EPB41L2: variants seen among roughly 807,000 people sequenced by gnomAD.
EPB41L2 encodes band 4.1-like protein 2.
In EPB41L2, 43 loss-of-function variants were observed where a neutral mutation model predicts 113.0. The ratio of observed to expected loss-of-function variants is 0.38; its 90% confidence interval spans 0.30 to 0.49. EPB41L2 has a LOEUF of 0.49. Ranked by LOEUF, EPB41L2 falls within the 20% of genes least tolerant of loss-of-function variation. The pLI is 0.95. For synonymous variants in EPB41L2, 442 were observed against 436.7 expected (o/e 1.01, Z -0.15); for missense variants, 1,147 against 1,223.4 (o/e 0.94, Z 0.93).
intron 3 of EPB41L2, among the ~76,000 whole-genome samples, chr6:130,936,527 A>T (rs375033388): frequency 9.9e-5 from 15 of 152,218 alleles, no homozygotes; most frequent in African/African-American, 3.6e-4. Context: ...TTTAAATTAC[A>T]AAGACATTGC....
chr6:130,941,988 T>C (rs1483688721), intron 3 of EPB41L2, among the ~76,000 whole-genome samples: 1 of 152,266 alleles, frequency 6.6e-6, no homozygotes, highest in Non-Finnish European at 1.5e-5. Context: ...AGATCATTTA[T>C]GTCAGTGCTT....
intron 1 of EPB41L2, among the ~76,000 whole-genome samples, chr6:130,988,996 G>A (rs559958821): frequency 1.2e-4 from 18 of 152,266 alleles, no homozygotes; most frequent in African/African-American, 4.1e-4. Context: ...GGCTGAGGTG[G>A]GAGAATTGCT....
At chr6:130,857,601 C>T (rs1290807607) in intron 19 of EPB41L2, among the ~76,000 whole-genome samples, 1 of 125,274 alleles carries the variant, frequency 8.0e-6, no homozygotes, top group Non-Finnish European at 1.6e-5. Flanking sequence ...TTCTGTTGCC[C>T]AGGATAGAGT....
intron 3 of EPB41L2, among the ~76,000 whole-genome samples, chr6:130,953,664 T>TAA (rs60036274): frequency 2.0e-3 from 293 of 148,036 alleles, no homozygotes; most frequent in African/African-American, 6.3e-3. Flanking sequence ...CTTAAAGTAT[T>TAA]AAAAAAAAAA....
chr6:130,961,905 G>A (rs1362946781), intron 1 of EPB41L2, among the ~76,000 whole-genome samples: 7 of 152,116 alleles, frequency 4.6e-5, no homozygotes, highest in Admixed American at 4.6e-4. Context: ...TTTGAGCTTT[G>A]AGAAAACAAC....
At chr6:130,977,165 C>A (rs1778374728) in intron 1 of EPB41L2, among the ~76,000 whole-genome samples, 1 of 152,182 alleles carries the variant, frequency 6.6e-6, no homozygotes, top group South Asian at 2.1e-4. Context: ...AAGCACCTAC[C>A]ACAAAGTCCA....
intron 1 of EPB41L2, among the ~76,000 whole-genome samples, chr6:131,018,773 C>T (rs1788805120): frequency 1.3e-5 from 2 of 151,736 alleles, no homozygotes; most frequent in Non-Finnish European, 2.9e-5. Context: ...GGATGTTTAC[C>T]CCATTTATTT....
intron 3 of EPB41L2, among the ~76,000 whole-genome samples, chr6:130,943,109 C>T (rs1323210329): frequency 6.6e-6 from 1 of 152,106 alleles, no homozygotes; most frequent in Non-Finnish European, 1.5e-5. Flanking sequence ...TGGGTATATA[C>T]CCAGTAATGG....
intron 3 of EPB41L2, among the ~76,000 whole-genome samples, chr6:130,946,326 AC>A (rs1358728896): frequency 6.6e-6 from 1 of 152,194 alleles, no homozygotes; most frequent in Non-Finnish European, 1.5e-5. Context: ...TTTTAACTTA[AC>A]TATAATCATC....
At chr6:130,960,256 G>C (rs1317298155) in intron 1 of EPB41L2, among the ~76,000 whole-genome samples, 8 of 152,152 alleles carry the variant, frequency 5.3e-5, no homozygotes. Flanking sequence ...AGTACTCAAA[G>C]AAGGTTCCTG....
rs886738899 is a variant in EPB41L2 at position 130,957,975 on chromosome 6, T to C, written c.-14-1476A>G. On this transcript the variant is annotated intron_variant, in intron 1 of 19. Coordinates refer to ENST00000337057, the MANE Select transcript of EPB41L2 (RefSeq NM_001431.4). ...GATATGTAAATTTTCTCAATAAAAA[T>C]AACTTAAAAATGTTTTTCACATCTA... 2.6e-5 allele frequency among the ~76,000 whole-genome samples: 4 copies of C among 152,318 alleles called. No homozygotes were observed. The South Asian group carries it at 8.3e-4, about 32-fold the overall frequency.
At chr6:130,865,473 AT>A in intron 17 of EPB41L2, 62 bp downstream of exon 17, 1 of 1,507,224 alleles carries the variant, frequency 6.6e-7, no homozygotes, top group Non-Finnish European at 9.2e-7. Context: ...GAGAGAAACA[AT>A]TCAGAAAAGA....
chr6:130,911,888 T>C (rs1261819213), intron 4 of EPB41L2, among the ~76,000 whole-genome samples: 1 of 141,774 alleles, frequency 7.1e-6, no homozygotes, highest in Admixed American at 7.0e-5. Context: ...TCCAAAATAA[T>C]ATAACAGGGG....
chr6:130,996,996 A>T (rs1783286994), intron 1 of EPB41L2, among the ~76,000 whole-genome samples: 1 of 152,252 alleles, frequency 6.6e-6, no homozygotes, highest in South Asian at 2.1e-4. Context: ...AAGTCCCAGC[A>T]AAGTTATAAT....
intron 14 of EPB41L2, among the ~76,000 whole-genome samples, chr6:130,873,204 T>C (rs960730791): frequency 1.3e-5 from 2 of 151,922 alleles, no homozygotes; most frequent in African/African-American, 2.4e-5. Context: ...AAGAAACAGG[T>C]AAAGAAAAAC....
At chr6:130,914,649 G>A (rs1238630833) in intron 4 of EPB41L2, among the ~76,000 whole-genome samples, 1 of 152,130 alleles carries the variant, frequency 6.6e-6, no homozygotes, top group African/African-American at 2.4e-5. Flanking sequence ...TTCAAGATCA[G>A]GCAAGACAGG....
At chr6:130,941,829 C>T (rs1811002058) in intron 3 of EPB41L2, among the ~76,000 whole-genome samples, 1 of 152,120 alleles carries the variant, frequency 6.6e-6, no homozygotes, top group Non-Finnish European at 1.5e-5. Flanking sequence ...GGAGCTTGTG[C>T]CCTCAGGTGC....
chr6:130,884,383 T>C (rs1285202842), intron 12 of EPB41L2, among the ~76,000 whole-genome samples: 5 of 152,170 alleles, frequency 3.3e-5, no homozygotes, highest in Admixed American at 3.3e-4. Context: ...ATCAATATGA[T>C]GGATTCATTT....
rs1796147359 is a variant in EPB41L2 at position 130,901,073 on chromosome 6, C to A, written c.1037G>T (p.Gly346Val). The A allele has an allele frequency of 6.2e-7, 1 of 1,613,998 alleles. No homozygotes were observed. The highest frequency in any genetic ancestry group is 1.1e-5 in the South Asian group (1 of 91,078). ...LGSYTLQAEL[G>V]DYDPEEHGSI... ...GCCATGTTCTTCTGGGTCATAGTCA[C>A]CAAGTTCAGCCTGCAGGGTGTAGGA... The change falls in exon 7 of 20, where the codon GGT (glycine) becomes GTT (valine). Residue 346 changes from glycine to valine, a missense_variant. Transcript: ENST00000337057.
Sources: gnomAD v4.1 joint callset for allele counts (sites outside exome capture counted in the v4.1 genomes callset) on GRCh38, gnomAD v4.1.1 for gene constraint, MANE v1.5 for transcripts, NCBI Gene and HGNC (gene_info 2026-07-23, HGNC 2026-07-21) for gene names.